The following LYPLAL1 variants were observed in gnomAD, a reference collection of about 807,000 sequenced individuals.
LYPLAL1 encodes the protein lysophospholipase-like protein 1.
Under a neutral mutation model 19.7 loss-of-function variants are expected in LYPLAL1, and 23 were observed. That is an observed-to-expected ratio of 1.17 (90% CI 0.84 to 1.65). The LOEUF is 1.65. Among genes scored for constraint, LYPLAL1 ranks in the 40% most tolerant of loss-of-function variants. The pLI, the probability that LYPLAL1 is intolerant of heterozygous loss-of-function variation, is 0.00. For missense variants in LYPLAL1, 355 were observed against 279.4 expected (o/e 1.27, Z -1.93); for synonymous variants, 119 against 96.3 (o/e 1.24, Z -1.38).
the LYPLAL1 span, among the ~76,000 whole-genome samples, chr1:219,281,663 AG>A: frequency 6.7e-6 from 1 of 150,160 alleles, no homozygotes. Flanking sequence ...AAAACCAAAC[AG>A]GGGAGAAGTC....
the LYPLAL1 span, among the ~76,000 whole-genome samples, chr1:219,291,607 T>G: frequency 6.6e-6 from 1 of 152,180 alleles, no homozygotes; most frequent in Non-Finnish European, 1.5e-5. Flanking sequence ...GAGATGGTGA[T>G]GATTACAGTC....
chr1:219,319,124 G>A, the LYPLAL1 span, among the ~76,000 whole-genome samples: 1 of 152,142 alleles, frequency 6.6e-6, no homozygotes, highest in Non-Finnish European at 1.5e-5. Context: ...AAACTAAAAA[G>A]CAAACAGTAA....
the LYPLAL1 span, among the ~76,000 whole-genome samples, chr1:219,298,387 C>T: frequency 1.3e-5 from 2 of 152,310 alleles, no homozygotes; most frequent in East Asian, 1.9e-4. Flanking sequence ...TGGAACCTCA[C>T]AAATGTGTTA....
Position 219,175,804 on chromosome 1 carries a change from A to G in LYPLAL1, c.91+1823A>G, listed in dbSNP as rs939333449. Among the ~76,000 whole-genome samples, 5 of 152,322 alleles carry G rather than the reference A, an allele frequency of 3.3e-5. No homozygotes were observed. The South Asian group carries it at 1.0e-3, about 32-fold the overall frequency. On this transcript the variant is annotated intron_variant, in intron 1 of 4. Coordinates refer to ENST00000366928, the MANE Select transcript of LYPLAL1 (RefSeq NM_138794.5). The stretch of plus-strand genomic sequence containing the variant: ...GGTCTTTAGCAGCTAGTGATTTTAC[A>G]TTCAACTTTAATGTATGTGGTTATG...
downstream of LYPLAL1, chr1:219,212,946 T>C (rs758986563): frequency 1.3e-5 from 2 of 152,100 alleles, no homozygotes; most frequent in Non-Finnish European, 2.9e-5. Context: ...GGCATACTTA[T>C]AACCTTCCAA....
chr1:219,366,860 A>G, the LYPLAL1 span, among the ~76,000 whole-genome samples: 4 of 152,072 alleles, frequency 2.6e-5, no homozygotes, highest in Non-Finnish European at 5.9e-5. Context: ...AGTAGTGTGC[A>G]ATATCATATC....
the LYPLAL1 span, among the ~76,000 whole-genome samples, chr1:219,258,810 A>C: frequency 1.3e-5 from 2 of 152,148 alleles, no homozygotes; most frequent in African/African-American, 2.4e-5. Context: ...CAGCAAAAGG[A>C]ATAGTCAGCA....
At chr1:219,187,848 C>G (rs958395272) in intron 2 of LYPLAL1, among the ~76,000 whole-genome samples, 1 of 151,664 alleles carries the variant, frequency 6.6e-6, no homozygotes, top group Non-Finnish European at 1.5e-5. Flanking sequence ...TAGTAAGGAA[C>G]CCTACTAAAA....
chr1:219,361,631 C>T, the LYPLAL1 span, among the ~76,000 whole-genome samples: 4 of 152,106 alleles, frequency 2.6e-5, no homozygotes, highest in South Asian at 2.1e-4. Context: ...AAGGTTGATC[C>T]GATGTCCAAG....
chr1:219,247,945 A>G, the LYPLAL1 span, among the ~76,000 whole-genome samples: 1 of 152,196 alleles, frequency 6.6e-6, no homozygotes, highest in African/African-American at 2.4e-5. Context: ...AATCAACTTT[A>G]GGGATTTTTT....
chr1:219,301,331 T>C, the LYPLAL1 span, among the ~76,000 whole-genome samples: 1 of 152,200 alleles, frequency 6.6e-6, no homozygotes, highest in Non-Finnish European at 1.5e-5. Context: ...TGGTACAGAA[T>C]GGTGAAGCTC....
At chr1:219,227,557 G>C in the LYPLAL1 span, among the ~76,000 whole-genome samples, 1 of 152,092 alleles carries the variant, frequency 6.6e-6, no homozygotes, top group African/African-American at 2.4e-5. Context: ...TGTCCCATTT[G>C]GGGAAGGAGT....
intron 2 of LYPLAL1, among the ~76,000 whole-genome samples, chr1:219,179,809 A>G (rs1248908093): frequency 1.3e-5 from 2 of 152,194 alleles, no homozygotes; most frequent in Non-Finnish European, 1.5e-5. Flanking sequence ...TAAAACTGCT[A>G]TAGTTTTGAG....
At chr1:219,203,525 C>T (rs754513541) in intron 3 of LYPLAL1, among the ~76,000 whole-genome samples, 8 of 152,118 alleles carry the variant, frequency 5.3e-5, no homozygotes, top group Admixed American at 2.6e-4. Flanking sequence ...GAAGGTATAG[C>T]GTAAGCAGCA....
the LYPLAL1 span, among the ~76,000 whole-genome samples, chr1:219,248,165 C>T: frequency 6.6e-6 from 1 of 152,116 alleles, no homozygotes; most frequent in African/African-American, 2.4e-5. Flanking sequence ...GAGTCAAATG[C>T]TCCAAGTGAA....
At chr1:219,187,753 T>A (rs1299584669) in intron 2 of LYPLAL1, among the ~76,000 whole-genome samples, 2 of 151,766 alleles carry the variant, frequency 1.3e-5, no homozygotes, top group African/African-American at 4.8e-5. Context: ...AATTCCTCTT[T>A]ACTCCATCAC....
chr1:219,276,559 A>G, the LYPLAL1 span, among the ~76,000 whole-genome samples: 1 of 152,260 alleles, frequency 6.6e-6, no homozygotes, highest in Admixed American at 6.5e-5. Context: ...AAGTCACTGT[A>G]GAATTAAATC....
At chr1:219,252,265 C>T in the LYPLAL1 span, among the ~76,000 whole-genome samples, 1 of 151,916 alleles carries the variant, frequency 6.6e-6, no homozygotes, top group Non-Finnish European at 1.5e-5. Flanking sequence ...ATTTGGATGC[C>T]CTTTATTTCT....
At chr1:219,431,042 T>C in the LYPLAL1 span, among the ~76,000 whole-genome samples, 1 of 152,148 alleles carries the variant, frequency 6.6e-6, no homozygotes, top group Non-Finnish European at 1.5e-5. Flanking sequence ...CTTTAAGAGA[T>C]ACTTAAAGAC....
Sources: allele counts gnomAD v4.1 joint callset (sites outside exome capture counted in the v4.1 genomes callset), GRCh38; gene constraint gnomAD v4.1.1; transcripts MANE v1.5; gene names NCBI Gene and HGNC (gene_info 2026-07-23, HGNC 2026-07-21).